Variants in TMEM14B observed in about 807,000 individuals in gnomAD.
TMEM14B encodes the protein transmembrane protein 14B.
TMEM14B carries 9 observed loss-of-function variants against 14.8 expected under a neutral mutation model. The observed-to-expected ratio is 0.61, with a 90% confidence interval of 0.37 to 1.06. The LOEUF (loss-of-function observed/expected upper bound fraction) is 1.06, where lower values mean the gene tolerates loss of function less well. TMEM14B is among the 50% of genes least tolerant of loss of function. The probability of loss-of-function intolerance (pLI) is 0.01; values close to 1 mark genes in which losing one functional copy is unlikely to be tolerated. For missense variants in TMEM14B, 128 were observed against 143.6 expected (o/e 0.89, Z 0.56); for synonymous variants, 40 against 51.3 (o/e 0.78, Z 0.94).
intron 1 of TMEM14B, among the ~76,000 whole-genome samples, chr6:10,748,331 T>C (rs1285728909): frequency 6.6e-6 from 1 of 152,144 alleles, no homozygotes; most frequent in Non-Finnish European, 1.5e-5. Flanking sequence ...TTGCAGCCTC[T>C]GCCTCCTGGG....
downstream of TMEM14B, chr6:10,758,909 CTTTTTTTTTT>C (rs34333457): frequency 3.0e-5 from 3 of 100,162 alleles, no homozygotes; most frequent in Non-Finnish European, 5.6e-5. Context: ...AGATCTAATT[CTTTTTTTTTT>C]TTTTTTTTTT....
At chr6:10,759,538 C>T (rs968487725), downstream of TMEM14B, 1 of 152,160 alleles carries the variant, frequency 6.6e-6, no homozygotes. Context: ...AGAGGATGCA[C>T]CAATTTATCC....
chr6:10,749,482 G>T, intron 2 of TMEM14B, 140 bp from the exon 3 acceptor site: 1 of 1,162,984 alleles, frequency 8.6e-7, no homozygotes, highest in Non-Finnish European at 1.3e-6. Flanking sequence ...CCTCTGTGGT[G>T]CTTATTTTCA....
At chr6:10,752,195 C>G (rs1358563213) in intron 4 of TMEM14B, among the ~76,000 whole-genome samples, 1 of 151,992 alleles carries the variant, frequency 6.6e-6, no homozygotes, top group Non-Finnish European at 1.5e-5. Flanking sequence ...CAGCAAATGA[C>G]CTCACACCTA....
chr6:10,748,485 T>C (rs1425378267), intron 1 of TMEM14B, among the ~76,000 whole-genome samples: 1 of 152,122 alleles, frequency 6.6e-6, no homozygotes, highest in Admixed American at 6.6e-5. Flanking sequence ...ACTCCTAACC[T>C]CAGGTAATCC....
At position 10,755,025 on chromosome 6, in the gene TMEM14B, G is replaced by A. The variant is rs1771750448; in HGVS notation, c.203-117G>A. 3.1e-5 allele frequency: 34 copies of A among 1,085,848 alleles called. No homozygotes were observed. In the East Asian group the frequency reaches 7.6e-4, roughly 24 times the overall value. 67.3% of individuals were successfully genotyped at this position (1,085,848 alleles called of 1,614,324 possible). On this transcript the variant is annotated intron_variant, in intron 4 of 5. Transcript: ENST00000379542. Reference sequence around the variant, plus strand: ...CTAGTAATCTCCCCTACTTGGGGAAGGAGGAATAAGCATAGGATGAGGCGT... The same window carrying A: ...CTAGTAATCTCCCCTACTTGGGGAAAGAGGAATAAGCATAGGATGAGGCGT...
chr6:10,755,070 G>A (rs1365510753), intron 4 of TMEM14B, 72 bp from the exon 5 acceptor site: 1 of 1,502,102 alleles, frequency 6.7e-7, no homozygotes, highest in African/African-American at 1.4e-5. Flanking sequence ...GAGATTGGTG[G>A]GGCTTGGTCT....
downstream of TMEM14B, among the ~76,000 whole-genome samples, chr6:10,758,720 C>A (rs140622870): frequency 6.6e-6 from 1 of 152,080 alleles, no homozygotes; most frequent in East Asian, 1.9e-4. Context: ...CACAAAGGAA[C>A]CAACAGTTAA....
intron 3 of TMEM14B, among the ~76,000 whole-genome samples, chr6:10,750,445 G>C (rs143368520): frequency 9.4e-6 from 1 of 105,956 alleles, no homozygotes; most frequent in African/African-American, 3.7e-5. Flanking sequence ...GGGTGGGGGG[G>C]GGGTCTAGTT....
chr6:10,757,344 A>G (rs1357035863), downstream of TMEM14B, among the ~76,000 whole-genome samples: 2 of 152,016 alleles, frequency 1.3e-5, no homozygotes, highest in East Asian at 3.9e-4. Context: ...ATTTTTTTGT[A>G]GAGATGGGGT....
chr6:10,749,760 G>A, intron 3 of TMEM14B, 62 bp downstream of exon 3: 1 of 1,592,274 alleles, frequency 6.3e-7, no homozygotes, highest in Non-Finnish European at 8.6e-7. Flanking sequence ...AAATGTGAGT[G>A]CCTGTGTCCC....
downstream of TMEM14B, among the ~76,000 whole-genome samples, chr6:10,757,983 T>G (rs576123085): frequency 6.7e-6 from 1 of 149,426 alleles, no homozygotes; most frequent in South Asian, 2.1e-4. Context: ...AGGGTGAGAC[T>G]CTGTCTCAAA....
Position 10,756,465 on chromosome 6 carries a change from A to G in TMEM14B, c.294-2A>G, listed in dbSNP as rs769029180. 1 of 1,613,896 alleles carries G rather than the reference A, an allele frequency of 6.2e-7. No individual in the cohort carries two copies. Among genetic ancestry groups the G allele is most frequent in the Non-Finnish European group, 8.5e-7 (1 of 1,179,908 alleles). On this transcript the variant is annotated splice_acceptor_variant, in intron 5 of 5. Transcript: ENST00000379542. LOFTEE classifies it high-confidence loss of function. ...GTTTTCTATCTTACTTGTTTTAAACAGTTTGCTGATGGCCGCCAAAGTTGG... is the reference window on the plus strand; with the variant it reads ...GTTTTCTATCTTACTTGTTTTAAACGGTTTGCTGATGGCCGCCAAAGTTGG...
chr6:10,748,107 A>G (rs1276182733), intron 1 of TMEM14B, among the ~76,000 whole-genome samples: 1 of 152,176 alleles, frequency 6.6e-6, no homozygotes, highest in Non-Finnish European at 1.5e-5. Context: ...CCCTTGTAGC[A>G]TAGTGTTGCC....
At chr6:10,748,118 T>G (rs1379473366) in intron 1 of TMEM14B, among the ~76,000 whole-genome samples, 1 of 152,194 alleles carries the variant, frequency 6.6e-6, no homozygotes, top group Non-Finnish European at 1.5e-5. Flanking sequence ...TAGTGTTGCC[T>G]CGTTTCCTGG....
intron 4 of TMEM14B, among the ~76,000 whole-genome samples, chr6:10,754,254 C>A (rs1482504108): frequency 1.3e-5 from 2 of 152,174 alleles, no homozygotes; most frequent in Non-Finnish European, 2.9e-5. Flanking sequence ...TCTTTTTATG[C>A]ATCCCTCTGC....
At chr6:10,758,446 A>C (rs1771876110), downstream of TMEM14B, among the ~76,000 whole-genome samples, 1 of 152,234 alleles carries the variant, frequency 6.6e-6, no homozygotes, top group South Asian at 2.1e-4. Flanking sequence ...GATGAGAGGC[A>C]GGAGATCTTC....
chr6:10,750,058 T>G (rs1771486925), intron 3 of TMEM14B: 1 of 280,864 alleles, frequency 3.6e-6, no homozygotes, highest in African/African-American at 2.2e-5. Context: ...TTTTGAAGTT[T>G]CCTCATTAGG....
downstream of TMEM14B, chr6:10,759,065 T>C (rs184378659): frequency 0.027 from 4,810 of 179,872 alleles, 124 homozygotes; most frequent in Non-Finnish European, 0.039. Context: ...ATTTCAGGTG[T>C]GCACCACCAC....
Sources: gnomAD v4.1 joint callset for allele counts (sites outside exome capture counted in the v4.1 genomes callset) on GRCh38, gnomAD v4.1.1 for gene constraint, MANE v1.5 for transcripts, NCBI Gene and HGNC (gene_info 2026-07-23, HGNC 2026-07-21) for gene names.